CCDC88A: variants seen among roughly 807,000 people sequenced by gnomAD.
The protein encoded by CCDC88A is girdin.
CCDC88A carries 54 observed loss-of-function variants against 234.3 expected under a neutral mutation model. The observed-to-expected ratio is 0.23, with a 90% CI of 0.19 to 0.29. The LOEUF is 0.29. CCDC88A is among the 10% of genes least tolerant of loss of function. The pLI is 1.00. For missense variants in CCDC88A, 1,832 were observed against 2,123.4 expected, an observed-to-expected ratio of 0.86 and a Z score of 2.70; for synonymous variants, 753 against 737.8, an observed-to-expected ratio of 1.02 and a Z score of -0.33.
intron 29 of CCDC88A, among the ~76,000 whole-genome samples, chr2:55,299,093 A>G (rs1418037779): frequency 2.0e-5 from 3 of 152,006 alleles, no homozygotes; most frequent in Non-Finnish European, 4.4e-5. Flanking sequence ...CGTTCCAGCT[A>G]CTTGGGAGGT....
At chr2:55,297,242 T>C (rs1468835890) in intron 29 of CCDC88A, 3 of 125,688 alleles carry the variant, frequency 2.4e-5, no homozygotes, top group Non-Finnish European at 4.8e-5. Flanking sequence ...AAAATATATA[T>C]ATATATTTCA....
chr2:55,332,984 C>A lies in CCDC88A; in HGVS notation c.2728-291G>T, dbSNP rs1052076015. ...AACTGGGGAAAATCATATCCATTTA[C>A]TTTTTAATAATGAGCCTGAACTTTA... On this transcript the variant is annotated intron_variant, in intron 15 of 32. Transcript: ENST00000436346. This position sits in a 1 kb window ranked among gnomAD's most constrained non-coding sequence, Gnocchi z 4.5. 1.2e-4 allele frequency among the ~76,000 whole-genome samples: 19 copies of A among 152,110 alleles called. No homozygotes were observed. The highest frequency in any genetic ancestry group is 2.5e-4 in the Non-Finnish European group (17 of 68,006).
At chr2:55,340,217 A>C (rs1668308342) in intron 12 of CCDC88A, 1 of 152,250 alleles carries the variant, frequency 6.6e-6, no homozygotes, top group Non-Finnish European at 1.5e-5. Flanking sequence ...AGACCCATTA[A>C]ATATTTTGCT....
chr2:55,416,443 AATATATATATATATATATAT>A (rs60840841), intron 2 of CCDC88A, among the ~76,000 whole-genome samples: 1 of 15,838 alleles, frequency 6.3e-5, no homozygotes, highest in East Asian at 1.3e-3. Flanking sequence ...TAAATAAATA[AATATATATATATATATATAT>A]ATATATATAT....
chr2:55,408,592 A>G (rs1679980471), intron 2 of CCDC88A, among the ~76,000 whole-genome samples: 1 of 152,162 alleles, frequency 6.6e-6, no homozygotes, highest in African/African-American at 2.4e-5. Flanking sequence ...ATGCCATGGC[A>G]ATGGCAGGAA....
At chr2:55,409,159 C>A (rs150034060) in intron 2 of CCDC88A, among the ~76,000 whole-genome samples, 2 of 152,328 alleles carry the variant, frequency 1.3e-5, no homozygotes, top group South Asian at 4.1e-4. Flanking sequence ...CTTTAACTGA[C>A]ACTCTTTGTG....
intron 2 of CCDC88A, among the ~76,000 whole-genome samples, chr2:55,395,000 C>T (rs1029668255): frequency 3.3e-5 from 5 of 151,968 alleles, no homozygotes; most frequent in Admixed American, 6.6e-5. Context: ...TGCACGCCAC[C>T]ACACCTGGCT....
At chr2:55,407,808 C>A (rs7606505) in intron 2 of CCDC88A, among the ~76,000 whole-genome samples, 44,644 of 148,656 alleles carry the variant, frequency 0.3, 7,208 homozygotes, top group East Asian at 0.58. Flanking sequence ...GCCTCCACCT[C>A]CCAGGTTCAA....
chr2:55,354,016 T>C (rs917881818), intron 8 of CCDC88A, among the ~76,000 whole-genome samples: 1 of 152,158 alleles, frequency 6.6e-6, no homozygotes, highest in Admixed American at 6.5e-5. Context: ...CTCAAACTTA[T>C]ACAGCATGTG....
intron 16 of CCDC88A, among the ~76,000 whole-genome samples, chr2:55,331,357 C>T (rs2104678004): frequency 6.6e-6 from 1 of 152,158 alleles, no homozygotes; most frequent in East Asian, 1.9e-4. Flanking sequence ...AGAATAAATG[C>T]CTCAAATTAT....
At chr2:55,320,724 C>T (rs1199721804) in intron 18 of CCDC88A, 1 of 152,140 alleles carries the variant, frequency 6.6e-6, no homozygotes, top group Non-Finnish European at 1.5e-5. Context: ...AAAATATTTT[C>T]TCCTATTGCT....
chr2:55,413,765 A>G (rs1261181890), intron 2 of CCDC88A, among the ~76,000 whole-genome samples: 5 of 152,090 alleles, frequency 3.3e-5, no homozygotes, highest in Non-Finnish European at 5.9e-5. Context: ...CAGCCTGGGC[A>G]ACACAGTGAA....
intron 7 of CCDC88A, among the ~76,000 whole-genome samples, chr2:55,360,248 T>C (rs1438784024): frequency 6.6e-6 from 1 of 152,170 alleles, no homozygotes; most frequent in Non-Finnish European, 1.5e-5. Flanking sequence ...ACCAAATATA[T>C]ACTTTTTAGA....
chr2:55,359,936 T>C (rs1671076521), intron 7 of CCDC88A, among the ~76,000 whole-genome samples: 1 of 152,122 alleles, frequency 6.6e-6, no homozygotes, highest in Non-Finnish European at 1.5e-5. Flanking sequence ...CTCAGTACAA[T>C]CATGGATTTA....
At chr2:55,327,143 T>G (rs1212570625) in intron 17 of CCDC88A, among the ~76,000 whole-genome samples, 1 of 152,220 alleles carries the variant, frequency 6.6e-6, no homozygotes, top group Non-Finnish European at 1.5e-5. Context: ...TAAGTAAAAC[T>G]TATTCTGTAA....
intron 2 of CCDC88A, among the ~76,000 whole-genome samples, chr2:55,412,378 T>C (rs541559262): frequency 2.6e-5 from 4 of 152,316 alleles, no homozygotes; most frequent in East Asian, 1.9e-4. Flanking sequence ...CAGGAGTCTC[T>C]AACCCCTGGG....
intron 2 of CCDC88A, among the ~76,000 whole-genome samples, chr2:55,406,516 G>C (rs1179218688): frequency 6.6e-6 from 1 of 152,122 alleles, no homozygotes; most frequent in South Asian, 2.1e-4. Context: ...GCACTTGGGA[G>C]GTTGAGGCAG....
chr2:55,359,695 G>C (rs966250676), intron 7 of CCDC88A, among the ~76,000 whole-genome samples: 1 of 150,808 alleles, frequency 6.6e-6, no homozygotes, highest in African/African-American at 2.4e-5. Context: ...TTTTATTATA[G>C]TTATTTTATT....
chr2:55,364,813 C>A (rs994265767), intron 5 of CCDC88A, among the ~76,000 whole-genome samples: 1 of 152,106 alleles, frequency 6.6e-6, no homozygotes, highest in Non-Finnish European at 1.5e-5. Context: ...TCCACCTTCA[C>A]CTACATCTCT....
Sources: gnomAD v4.1 joint callset for allele counts (sites outside exome capture counted in the v4.1 genomes callset) on GRCh38, gnomAD v4.1.1 for gene constraint, Gnocchi (gnomAD v3.1) non-coding constraint, MANE v1.5 for transcripts, NCBI Gene and HGNC (gene_info 2026-07-23, HGNC 2026-07-21) for gene names.